The following TET3 variants were observed in gnomAD, a reference collection of about 807,000 sequenced individuals.
The protein encoded by TET3 is tet methylcytosine dioxygenase 3, also known as methylcytosine dioxygenase TET3.
TET3 carries 19 observed loss-of-function variants against 141.4 expected under a neutral mutation model. The observed-to-expected ratio is 0.13, with a 90% CI of 0.09 to 0.20. The LOEUF (loss-of-function observed/expected upper bound fraction) is 0.20. Ranked by LOEUF, TET3 falls within the 10% of genes least tolerant of loss-of-function variation. The pLI, the probability that TET3 is intolerant of heterozygous loss-of-function variation, is 1.00. For synonymous variants in TET3, 1,043 were observed against 980.9 expected (o/e 1.06, Z -1.18); for missense variants, 1,874 against 2,356.9 (o/e 0.80, Z 4.24).
intron 2 of TET3, among the ~76,000 whole-genome samples, chr2:73,994,609 A>G (rs1385584657): frequency 8.5e-6 from 1 of 117,878 alleles, no homozygotes; most frequent in South Asian, 2.7e-4. Context: ...TATCAGGTCT[A>G]TTTTTTTTCT....
chr2:74,128,992 T>TAAAAAAA, the TET3 span, among the ~76,000 whole-genome samples: 2 of 77,924 alleles, frequency 2.6e-5, no homozygotes, highest in African/African-American at 5.9e-5. Context: ...TGTCTCAATT[T>TAAAAAAA]AAAAAAAAAA....
At chr2:74,042,066 C>A (rs977622556) in intron 3 of TET3, among the ~76,000 whole-genome samples, 1 of 152,198 alleles carries the variant, frequency 6.6e-6, no homozygotes, top group Non-Finnish European at 1.5e-5. Flanking sequence ...AAGAACAGAG[C>A]CCTGTGGCAG....
At chr2:74,055,903 C>T (rs1330634349) in intron 4 of TET3, among the ~76,000 whole-genome samples, 1 of 152,044 alleles carries the variant, frequency 6.6e-6, no homozygotes, top group Non-Finnish European at 1.5e-5. Context: ...CTGCAGAGTC[C>T]CGATCAACAC....
rs890382004 is a variant in TET3, at chr2:74,046,985, C to G, written c.1068C>G (p.Thr356=). ...AGGAAAAAAACATCAGCTTGCAGAC[C>G]GCCATTGCCATTGAGGCCCTCACAC... ...IAKEKNISLQ[T]AIAIEALTQL... is the part of the protein sequence containing the mutation. Residue 356 remains threonine, a synonymous_variant, in exon 4 of 12, where the codon ACC becomes ACG. Transcript: ENST00000409262. This position sits in a 1 kb window ranked among gnomAD's most constrained non-coding sequence, Gnocchi z 4.3. The G allele has an allele frequency of 8.1e-6, 13 of 1,613,888 alleles. No homozygotes were observed. The highest frequency in any genetic ancestry group is 1.1e-5 in the Non-Finnish European group (13 of 1,179,892).
chr2:74,005,414 A>T (rs1315698939), intron 3 of TET3, among the ~76,000 whole-genome samples: 1 of 152,214 alleles, frequency 6.6e-6, no homozygotes, highest in African/African-American at 2.4e-5. Flanking sequence ...ACTGCCAGCA[A>T]ACACTCAGGT....
chr2:74,027,618 T>C (rs1686446997), intron 3 of TET3, among the ~76,000 whole-genome samples: 1 of 152,238 alleles, frequency 6.6e-6, no homozygotes, highest in South Asian at 2.1e-4. Flanking sequence ...TGGAATGTTA[T>C]AGTATATATC....
In TET3 at chr2:74,100,546, G is replaced by C; in HGVS notation, c.3758G>C (p.Ser1253Thr). 1.2e-6 allele frequency: 2 copies of C among 1,612,622 alleles called. No individual in the cohort carries two copies. Among genetic ancestry groups the C allele is most frequent in the Non-Finnish European group, 1.7e-6 (2 of 1,179,348 alleles). Residue 1253 changes from serine (S) to threonine (T), a missense_variant, in exon 12 of 12, where the codon AGC (serine) becomes ACC (threonine). Ser to Thr is a moderately conservative substitution (Grantham distance 58). Transcript: ENST00000409262. Reference sequence around the variant, plus strand: ...AACTGCCGGCCCTCCGACCCTTACAGCATGAACAGCGTGTACTCCTACCAC... The same window carrying C: ...AACTGCCGGCCCTCCGACCCTTACACCATGAACAGCGTGTACTCCTACCAC... ...LGNCRPSDPY[S>T]MNSVYSYHSY...
intron 8 of TET3, among the ~76,000 whole-genome samples, chr2:74,092,452 G>A (rs1690554455): frequency 6.6e-6 from 1 of 152,134 alleles, no homozygotes; most frequent in African/African-American, 2.4e-5. Context: ...GGGCTGGGCT[G>A]GGCTGGCTGT....
At chr2:74,017,046 G>A (rs1340392094) in intron 3 of TET3, among the ~76,000 whole-genome samples, 1 of 152,024 alleles carries the variant, frequency 6.6e-6, no homozygotes, top group Non-Finnish European at 1.5e-5. Flanking sequence ...AGCTACTTGG[G>A]AAGCTGAGGC....
At chr2:74,099,634 G>A (rs377283352) in intron 11 of TET3, 22 bp downstream of exon 11, 36 of 1,525,674 alleles carry the variant, frequency 2.4e-5, no homozygotes, top group African/African-American at 2.8e-5. Context: ...GAGGGTGCCC[G>A]CTTGGAGTCA....
intron 4 of TET3, among the ~76,000 whole-genome samples, chr2:74,057,247 A>G (rs1030006081): frequency 8.5e-5 from 13 of 152,210 alleles, no homozygotes; most frequent in Admixed American, 1.3e-4. Context: ...GTCCCTTTCG[A>G]GGGAATGAAC....
At chr2:74,013,798 C>G (rs10182376) in intron 3 of TET3, among the ~76,000 whole-genome samples, 1 of 151,870 alleles carries the variant, frequency 6.6e-6, no homozygotes, top group South Asian at 2.1e-4. Flanking sequence ...GGCGACAGAG[C>G]GAGACTCCAT....
chr2:74,006,047 C>A (rs908071386), intron 3 of TET3, among the ~76,000 whole-genome samples: 1 of 151,660 alleles, frequency 6.6e-6, no homozygotes, highest in Admixed American at 6.6e-5. Flanking sequence ...GGATTGTGCC[C>A]AGGATCTCTG....
rs1211792788 is a variant in TET3 at position 74,046,338 on chromosome 2, G to T, written c.421G>T (p.Val141Leu). The T allele has an allele frequency of 1.3e-6, 2 of 1,523,176 alleles. No individual in the cohort carries two copies. Among genetic ancestry groups the T allele is most frequent in the Non-Finnish European group, 1.8e-6 (2 of 1,138,456 alleles). 94.4% of individuals were successfully genotyped at this position (1,523,176 alleles called of 1,614,324 possible). A position where few individuals can be genotyped will look rare whatever the true frequency, so the allele number is the denominator to read the frequency against. Residue 141 changes from valine (V) to leucine (L), a missense_variant, in exon 4 of 12, where the codon GTG becomes TTG. Val to Leu is a conservative substitution (Grantham distance 32). This residue lies in a region of TET3 where 366 missense variants were observed against 487.0 expected (regional missense o/e 0.75). Transcript: ENST00000409262. The surrounding 1 kb of genome is among the most constrained non-coding windows in gnomAD (Gnocchi z 4.3). ...PVPGQMDSGP[V>L]YHGDSRQLSA... ...TCCAGGTCAGATGGACTCAGGGCCAGTGTACCATGGGGACTCACGGCAGCT... is the reference window on the plus strand; with the variant it reads ...TCCAGGTCAGATGGACTCAGGGCCATTGTACCATGGGGACTCACGGCAGCT...
intron 4 of TET3, among the ~76,000 whole-genome samples, chr2:74,068,887 A>G (rs949805186): frequency 1.3e-5 from 2 of 152,164 alleles, no homozygotes; most frequent in African/African-American, 4.8e-5. Flanking sequence ...TTGTTCAGCT[A>G]TAGTAGCTCT....
chr2:74,054,219 G>T (rs527966817), intron 4 of TET3, among the ~76,000 whole-genome samples: 1 of 152,270 alleles, frequency 6.6e-6, no homozygotes, highest in South Asian at 2.1e-4. Context: ...AGAGAAACCA[G>T]TTTGTAGGCT....
At chr2:74,044,503 G>A (rs955449398) in intron 3 of TET3, among the ~76,000 whole-genome samples, 1 of 152,144 alleles carries the variant, frequency 6.6e-6, no homozygotes, top group African/African-American at 2.4e-5. Context: ...AGTATTGTAA[G>A]TCAAAAATAG....
intron 3 of TET3, among the ~76,000 whole-genome samples, chr2:74,020,263 C>T (rs1282779095): frequency 1.3e-5 from 2 of 152,210 alleles, no homozygotes; most frequent in Non-Finnish European, 2.9e-5. Flanking sequence ...TAGCTTACTG[C>T]AATCTCTGCC....
chr2:74,046,071 T>C lies in TET3; in HGVS notation c.361-207T>C, dbSNP rs1687601508. 6.6e-6 allele frequency among the ~76,000 whole-genome samples: 1 copy of C among 152,206 alleles called. No homozygotes were observed. Among genetic ancestry groups the C allele is most frequent in the African/African-American group, 2.4e-5 (1 of 41,440 alleles). ...TAGGATCTTCTCTTTAAAAATATCT[T>C]AAAGATCTTCTTTTTGTTTCTGCTG... On this transcript the variant is annotated intron_variant, in intron 3 of 11. Transcript: ENST00000409262. The surrounding 1 kb of genome is among the most constrained non-coding windows in gnomAD (Gnocchi z 4.3).
Sources: gnomAD v4.1 joint callset for allele counts (sites outside exome capture counted in the v4.1 genomes callset) on GRCh38, gnomAD v4.1.1 for gene constraint, gnomAD v4.1.1 regional missense constraint, Gnocchi (gnomAD v3.1) non-coding constraint, MANE v1.5 for transcripts, NCBI Gene and HGNC (gene_info 2026-07-23, HGNC 2026-07-21) for gene names.